The following HECW2 variants were observed in gnomAD, a reference collection of about 807,000 sequenced individuals.
The protein encoded by HECW2 is HECT, C2 and WW domain containing E3 ubiquitin protein ligase 2, also known as E3 ubiquitin-protein ligase HECW2.
In HECW2, 61 loss-of-function variants were observed where a neutral mutation model predicts 175.2. That is an observed-to-expected ratio of 0.35 (90% CI 0.28 to 0.43). The LOEUF is 0.43. Ranked by LOEUF, HECW2 falls within the 20% of genes least tolerant of loss-of-function variation. HECW2 has a pLI of 1.00. For missense variants in HECW2, 1,524 were observed against 2,000.5 expected, an observed-to-expected ratio of 0.76 and a Z score of 4.54; for synonymous variants, 671 against 731.0, an observed-to-expected ratio of 0.92 and a Z score of 1.32.
intron 12 of HECW2, 139 bp from the exon 13 acceptor site, chr2:196,306,751 T>G: frequency 1.2e-6 from 1 of 853,420 alleles, no homozygotes; most frequent in Non-Finnish European, 1.7e-6. Context: ...CAATGCTTTT[T>G]TCTTTGCTGT....
chr2:196,384,157 T>G (rs1559079839), intron 2 of HECW2, among the ~76,000 whole-genome samples: 1 of 152,252 alleles, frequency 6.6e-6, no homozygotes, highest in Non-Finnish European at 1.5e-5. Context: ...CATTCAGCAC[T>G]GTTCATTAAC....
Position 196,201,106 on chromosome 2 carries a change from A to G in HECW2, c.*171T>C, listed in dbSNP as rs1275611880. 5.2e-6 allele frequency: 3 copies of G among 580,262 alleles called. No individual in the cohort carries two copies. Among genetic ancestry groups the G allele is most frequent in the Admixed American group, 5.7e-5 (2 of 34,832 alleles). The allele number at this position is 580,262 out of a possible 1,614,324, so 35.9% of individuals were successfully genotyped here. On this transcript the variant is annotated 3_prime_UTR_variant, in exon 29 of 29. Transcript: ENST00000644978. ...TCAAGCTCACCCAAATCCTTCCAAG[A>G]GGACTCATCTCCAGTCCCCAAATGT...
chr2:196,498,820 T>C (rs78923898), intron 1 of HECW2, among the ~76,000 whole-genome samples: 12,568 of 152,132 alleles, frequency 0.083, 589 homozygotes, highest in Middle Eastern at 0.13. Context: ...ATTTATAACT[T>C]CCTCAATTGC....
chr2:196,440,488 GA>G (rs1405097920), intron 1 of HECW2, among the ~76,000 whole-genome samples: 2 of 151,912 alleles, frequency 1.3e-5, no homozygotes, highest in African/African-American at 4.8e-5. Flanking sequence ...ACATAAAAAT[GA>G]AAAAAATCAA....
At chr2:196,399,483 T>C (rs978544053) in intron 2 of HECW2, among the ~76,000 whole-genome samples, 11 of 152,170 alleles carry the variant, frequency 7.2e-5, no homozygotes, top group African/African-American at 2.7e-4. Context: ...TCCCCAAAAC[T>C]GAGAAGGAAG....
chr2:196,364,663 C>T (rs1575465159), intron 2 of HECW2, among the ~76,000 whole-genome samples: 1 of 152,308 alleles, frequency 6.6e-6, no homozygotes, highest in East Asian at 1.9e-4. Context: ...TCATATGGTG[C>T]TAGGCACTAG....
At chr2:196,506,246 G>A (rs1687758801) in intron 1 of HECW2, among the ~76,000 whole-genome samples, 1 of 152,136 alleles carries the variant, frequency 6.6e-6, no homozygotes, top group South Asian at 2.1e-4. Flanking sequence ...TTTCACCAAG[G>A]CTTTGAAGAA....
intron 15 of HECW2, 57 bp downstream of exon 15, chr2:196,278,471 T>A: frequency 2.0e-6 from 3 of 1,486,302 alleles, no homozygotes; most frequent in Non-Finnish European, 2.8e-6. Context: ...CCTCAAACCA[T>A]CACATACTAG....
chr2:196,306,416 T>C (rs1691263916), intron 13 of HECW2, 72 bp downstream of exon 13: 2 of 1,431,594 alleles, frequency 1.4e-6, no homozygotes, highest in African/African-American at 2.8e-5. Flanking sequence ...ATTCCTGCTA[T>C]TACTACAGAA....
intron 8 of HECW2, 114 bp downstream of exon 8, chr2:196,320,225 A>T: frequency 1.4e-6 from 1 of 706,236 alleles, no homozygotes; most frequent in Non-Finnish European, 2.4e-6. Flanking sequence ...CAGCTATTTT[A>T]CTTTCAAAAC....
intron 1 of HECW2, among the ~76,000 whole-genome samples, chr2:196,516,909 T>C (rs1387024308): frequency 6.6e-6 from 1 of 152,198 alleles, no homozygotes; most frequent in South Asian, 2.1e-4. Context: ...AAATATCCCA[T>C]TCCTCGCAAG....
rs753412582 is a variant in HECW2 at position 196,329,696 on chromosome 2, C to A, written c.496-46G>T. The A allele has an allele frequency of 4.7e-6, 7 of 1,479,006 alleles. No homozygotes were observed. The South Asian group carries it at 7.9e-5, about 17-fold the overall frequency. 91.6% of individuals were successfully genotyped at this position (1,479,006 alleles called of 1,614,324 possible). A position where few individuals can be genotyped will look rare whatever the true frequency, so the allele number is the denominator to read the frequency against. On this transcript the variant is annotated intron_variant, in intron 4 of 28. Coordinates refer to ENST00000644978, the MANE Select transcript of HECW2 (RefSeq NM_001348768.2). The stretch of plus-strand genomic sequence containing the variant: ...TCTGAAGTTTCAGAAGCATATGATG[C>A]CACTGGATCTGACTAGGAAACCATG...
intron 1 of HECW2, among the ~76,000 whole-genome samples, chr2:196,511,474 C>A (rs1464622087): frequency 4.6e-5 from 7 of 152,274 alleles, no homozygotes; most frequent in Admixed American, 3.9e-4. Flanking sequence ...AGTCATCCGA[C>A]AAATATGTGA....
At chr2:196,212,808 A>C (rs910769229) in intron 28 of HECW2, among the ~76,000 whole-genome samples, 1 of 152,132 alleles carries the variant, frequency 6.6e-6, no homozygotes, top group Non-Finnish European at 1.5e-5. Flanking sequence ...TTATACTCCC[A>C]CCAATAGTGT....
At chr2:196,582,906 C>T (rs1690843418) in intron 1 of HECW2, among the ~76,000 whole-genome samples, 1 of 152,160 alleles carries the variant, frequency 6.6e-6, no homozygotes. Context: ...TAAGGTGAGC[C>T]AAGTGGGGAC....
At chr2:196,344,999 AGC>A (rs1464395147) in intron 2 of HECW2, among the ~76,000 whole-genome samples, 3 of 152,168 alleles carry the variant, frequency 2.0e-5, no homozygotes, top group African/African-American at 7.2e-5. Context: ...CATATTGAAA[AGC>A]CAAAGAACTT....
At chr2:196,338,542 A>G (rs1692635095) in intron 3 of HECW2, among the ~76,000 whole-genome samples, 1 of 152,208 alleles carries the variant, frequency 6.6e-6, no homozygotes, top group Non-Finnish European at 1.5e-5. Context: ...CTCTCTGCAA[A>G]AAGGTTCTAC....
At chr2:196,278,266 C>G (rs1389169548) in intron 15 of HECW2, among the ~76,000 whole-genome samples, 2 of 147,866 alleles carry the variant, frequency 1.4e-5, no homozygotes, top group Non-Finnish European at 3.0e-5. Flanking sequence ...ATTATCAACA[C>G]CCTCTCACCT....
intron 1 of HECW2, among the ~76,000 whole-genome samples, chr2:196,538,278 C>CATATTTAGATGCCTATAATTTCTCAGAAT (rs1291069066): frequency 6.6e-6 from 1 of 152,170 alleles, no homozygotes; most frequent in South Asian, 2.1e-4. Flanking sequence ...TAGAGTGTCA[C>CATATTTAGATGCCTATAATTTCTCAGAAT]TGAGCACTTG....
Sources: gnomAD v4.1 joint callset for allele counts (sites outside exome capture counted in the v4.1 genomes callset) on GRCh38, gnomAD v4.1.1 for gene constraint, MANE v1.5 for transcripts, NCBI Gene and HGNC (gene_info 2026-07-23, HGNC 2026-07-21) for gene names.